Variants in TMPRSS15 observed in about 807,000 individuals in gnomAD.
The protein encoded by TMPRSS15 is enteropeptidase.
A neutral mutation model predicts 125.3 loss-of-function variants in TMPRSS15; 128 were observed. That is an observed-to-expected ratio of 1.02 (90% CI 0.89 to 1.18). TMPRSS15 has a LOEUF of 1.18. Ranked by LOEUF, TMPRSS15 falls within the 50% of genes most tolerant of loss-of-function variation. The pLI, the probability that TMPRSS15 is intolerant of heterozygous loss-of-function variation, is 0.00. For missense variants in TMPRSS15, 1,283 were observed against 1,212.7 expected (o/e 1.06, Z -0.86); for synonymous variants, 446 against 423.2 (o/e 1.05, Z -0.66).
At chr21:18,383,802 G>C in intron 3 of TMPRSS15, 24 bp from the exon 4 acceptor site, 2 of 1,609,316 alleles carry the variant, frequency 1.2e-6, no homozygotes, top group Non-Finnish European at 1.7e-6. Context: ...GAGGATATAA[G>C]AGGAAAAAGT....
chr21:18,418,989 CA>C (rs1310343142), intron 1 of TMPRSS15, among the ~76,000 whole-genome samples: 3 of 152,100 alleles, frequency 2.0e-5, no homozygotes, highest in Non-Finnish European at 4.4e-5. Context: ...AGCGTTGAGC[CA>C]GGGGGAAAAA....
In TMPRSS15 at chr21:18,353,715, A is replaced by T. The variant is rs1555902608; in HGVS notation, c.1021+8T>A. On this transcript the variant is annotated splice_region_variant and intron_variant, in intron 9 of 24. Transcript: ENST00000284885. ...AAATTAAAAAGCCAAAAAATAAATA[A>T]TACTTACTATTAAGCTCACTGCTGT... is the stretch of plus-strand genomic sequence containing the variant. The T allele has an allele frequency of 1.2e-6, 2 of 1,607,668 alleles. No homozygotes were observed. The highest frequency in any genetic ancestry group is 1.7e-5 in the Admixed American group (1 of 59,616).
chr21:18,338,671 C>T (rs2075417363), intron 13 of TMPRSS15, among the ~76,000 whole-genome samples: 1 of 151,766 alleles, frequency 6.6e-6, no homozygotes, highest in South Asian at 2.1e-4. Flanking sequence ...AGTTTCATGT[C>T]ACCAAAATAA....
Position 18,269,878 on chromosome 21 carries a change from T to C in TMPRSS15, c.*91A>G. The C allele has an allele frequency of 6.6e-7, 1 of 1,523,094 alleles. No individual in the cohort carries two copies. Among genetic ancestry groups the C allele is most frequent in the East Asian group, 2.4e-5 (1 of 41,592 alleles). The allele number at this position is 1,523,094 out of a possible 1,614,324, so 94.3% of individuals were successfully genotyped here. ...AAGAATAAAAACCTTTGGTAACTTTTTAAAATTTTTGTACGAAACACTTAA... is the reference window on the plus strand; with the variant it reads ...AAGAATAAAAACCTTTGGTAACTTTCTAAAATTTTTGTACGAAACACTTAA... On this transcript the variant is annotated 3_prime_UTR_variant, in exon 25 of 25. Coordinates refer to ENST00000284885, the MANE Select transcript of TMPRSS15 (RefSeq NM_002772.3).
intron 16 of TMPRSS15, among the ~76,000 whole-genome samples, chr21:18,321,330 A>G (rs899188666): frequency 3.3e-5 from 5 of 151,348 alleles, no homozygotes; most frequent in Non-Finnish European, 7.4e-5. Flanking sequence ...CAAGTGAAGC[A>G]AAAACGATTT....
chr21:18,417,975 A>C (rs2268437), intron 1 of TMPRSS15, among the ~76,000 whole-genome samples: 97,103 of 152,048 alleles, frequency 0.64, 31,444 homozygotes, highest in Middle Eastern at 0.75. Flanking sequence ...TTTGTTCAAA[A>C]AAATGTAAAA....
chr21:18,282,097 C>CAAAAAAAAAAAA (rs954911028), intron 21 of TMPRSS15, among the ~76,000 whole-genome samples: 1 of 24,960 alleles, frequency 4.0e-5, no homozygotes, highest in African/African-American at 9.6e-5. Flanking sequence ...GACTCCGCCT[C>CAAAAAAAAAAAA]AAAAAAAAAA....
chr21:18,332,153 C>CAAAG lies in TMPRSS15; in HGVS notation c.1584_1585insCTTT (p.Glu529LeufsTer2), dbSNP rs1396428164. On this transcript the variant is annotated frameshift_variant, in exon 14 of 25. Transcript: ENST00000284885. LOFTEE classifies it high-confidence loss of function. ...AATGTTGTATTTGGCTCCCACAGCT[C>CAAAG]AAAAGGTCCTCCACAGTCCGCTGAA... is the stretch of plus-strand genomic sequence containing the variant. 6.2e-7 allele frequency: 1 copy of CAAAG among 1,614,050 alleles called. No homozygotes were observed. The highest frequency in any genetic ancestry group is 2.2e-5 in the East Asian group (1 of 44,866).
chr21:18,404,999 C>T (rs1234763043), upstream of TMPRSS15, among the ~76,000 whole-genome samples: 1 of 151,868 alleles, frequency 6.6e-6, no homozygotes, highest in East Asian at 1.9e-4. Flanking sequence ...GGGACAATTA[C>T]AATAGGCCAG....
chr21:18,296,055 A>G (rs2074903636), intron 19 of TMPRSS15, among the ~76,000 whole-genome samples: 1 of 152,192 alleles, frequency 6.6e-6, no homozygotes, highest in Non-Finnish European at 1.5e-5. Flanking sequence ...TGGGAGGCTG[A>G]GGCAGGAGAA....
chr21:18,332,791 C>T (rs185775853), intron 13 of TMPRSS15, among the ~76,000 whole-genome samples: 9 of 152,256 alleles, frequency 5.9e-5, no homozygotes, highest in Non-Finnish European at 1.2e-4. Flanking sequence ...GACACATGCA[C>T]ACGTTTTTTC....
At chr21:18,280,610 A>G (rs985798610) in intron 22 of TMPRSS15, among the ~76,000 whole-genome samples, 5 of 151,578 alleles carry the variant, frequency 3.3e-5, no homozygotes, top group African/African-American at 9.7e-5. Flanking sequence ...AAAACAACAA[A>G]AAACCAAACT....
chr21:18,390,470 T>A (rs144670234), intron 3 of TMPRSS15, among the ~76,000 whole-genome samples: 1 of 152,328 alleles, frequency 6.6e-6, no homozygotes, highest in East Asian at 1.9e-4. Flanking sequence ...TAAGACTTTA[T>A]AGAATACATA....
chr21:18,484,248 T>C (rs1272394760), intron 1 of TMPRSS15, among the ~76,000 whole-genome samples: 1 of 151,874 alleles, frequency 6.6e-6, no homozygotes, highest in Non-Finnish European at 1.5e-5. Flanking sequence ...TTACTCACAA[T>C]TCACAGGATA....
In TMPRSS15 at chr21:18,271,043, G is replaced by A. The variant is rs568752849; in HGVS notation, c.2905-919C>T. ...GTCTGATCCTTTTTATCATCTTTGG[G>A]CCCTATATTTAAAGAAAAAAATGTA... On this transcript the variant is annotated intron_variant, in intron 24 of 24. Coordinates refer to ENST00000284885, the MANE Select transcript of TMPRSS15 (RefSeq NM_002772.3). 2.6e-5 allele frequency among the ~76,000 whole-genome samples: 4 copies of A among 152,024 alleles called. No homozygotes were observed. The South Asian group carries it at 6.2e-4, about 24-fold the overall frequency.
chr21:18,413,767 G>T lies in TMPRSS15; in HGVS notation c.11-15438C>A, dbSNP rs943059578. Among the ~76,000 whole-genome samples, 5 of 150,840 alleles carry T rather than the reference G, an allele frequency of 3.3e-5. No homozygotes were observed. In the East Asian group the frequency reaches 9.8e-4, roughly 30 times the overall value. ...CTTTAGGACAGGGTCTTGCTCTGTCGCCCAGACTGGAGTGCAGTGGTATGA... is the reference window on the plus strand; with the variant it reads ...CTTTAGGACAGGGTCTTGCTCTGTCTCCCAGACTGGAGTGCAGTGGTATGA... On this transcript the variant is annotated intron_variant, in intron 1 of 7. Transcript: ENST00000422787.
chr21:18,346,501 T>G (rs2824755), intron 10 of TMPRSS15, among the ~76,000 whole-genome samples: 87,832 of 152,112 alleles, frequency 0.58, 25,516 homozygotes, highest in East Asian at 0.76. Context: ...ACATCTCTCC[T>G]AAGTCTTCTC....
chr21:18,398,357 T>G (rs1346962769), intron 1 of TMPRSS15, 28 bp from the exon 2 acceptor site: 3 of 1,611,580 alleles, frequency 1.9e-6, no homozygotes, highest in African/African-American at 2.7e-5. Flanking sequence ...GAAAAAACAC[T>G]AAGATTTTGG....
At chr21:18,414,902 G>A (rs1482116709) in intron 1 of TMPRSS15, among the ~76,000 whole-genome samples, 1 of 152,036 alleles carries the variant, frequency 6.6e-6, no homozygotes, top group Non-Finnish European at 1.5e-5. Context: ...TAGATCATAT[G>A]GTAGCTCTAT....
Sources: allele counts gnomAD v4.1 joint callset (sites outside exome capture counted in the v4.1 genomes callset), GRCh38; gene constraint gnomAD v4.1.1; transcripts MANE v1.5; gene names NCBI Gene and HGNC (gene_info 2026-07-23, HGNC 2026-07-21).